Variants in GLIS3 observed in about 807,000 individuals in gnomAD.
The protein encoded by GLIS3 is GLIS family zinc finger 3.
A neutral mutation model predicts 78.6 loss-of-function variants in GLIS3; 53 were observed. That is an observed-to-expected ratio of 0.67 (90% confidence interval 0.54 to 0.85). The LOEUF (loss-of-function observed/expected upper bound fraction) is 0.85. Ranked by LOEUF, GLIS3 falls within the 40% of genes least tolerant of loss-of-function variation. The pLI is 0.00. For synonymous variants in GLIS3, 684 were observed against 509.9 expected, an observed-to-expected ratio of 1.34 and a Z score of -4.60; for missense variants, 1,703 against 1,231.1, an observed-to-expected ratio of 1.38 and a Z score of -5.74.
chr9:4,403,086 A>G, the GLIS3 span, among the ~76,000 whole-genome samples: 2 of 152,198 alleles, frequency 1.3e-5, no homozygotes, highest in Non-Finnish European at 2.9e-5. Context: ...AAAGACACAA[A>G]TAACATGCAA....
In GLIS3 at chr9:4,326,047, C is replaced by G. The variant is rs118085078; in HGVS notation, n.265-15519G>C. On this transcript the variant is annotated intron_variant and non_coding_transcript_variant, in intron 2 of 4. Transcript: ENST00000471664. ...CTGTGGGGAACAACACACACTGGGG[C>G]CTGTCGGGGGTGGCAGGGAGGTAGA... is the stretch of plus-strand genomic sequence containing the variant. 5.4e-3 allele frequency among the ~76,000 whole-genome samples: 819 copies of G among 152,164 alleles called. 1 individual carries two copies. Among genetic ancestry groups the G allele is most frequent in the Middle Eastern group, 0.014 (4 of 294 alleles).
chr9:4,159,705 T>C (rs1169608670), intron 2 of GLIS3, among the ~76,000 whole-genome samples: 1 of 146,672 alleles, frequency 6.8e-6, no homozygotes, highest in Admixed American at 7.0e-5. Flanking sequence ...GGTGAAGAAG[T>C]GAGACTCCAT....
At chr9:4,452,189 A>G in the GLIS3 span, among the ~76,000 whole-genome samples, 1 of 152,194 alleles carries the variant, frequency 6.6e-6, no homozygotes, top group Non-Finnish European at 1.5e-5. Context: ...AATAAGAGTT[A>G]TTTATGACAA....
chr9:4,376,922 G>A, the GLIS3 span, among the ~76,000 whole-genome samples: 2 of 134,544 alleles, frequency 1.5e-5, 1 homozygote, highest in Non-Finnish European at 3.3e-5. Context: ...TCCACTGCTG[G>A]AGGCTGATTA....
chr9:3,897,902 GA>G (rs1429443103), intron 7 of GLIS3, among the ~76,000 whole-genome samples: 1 of 152,170 alleles, frequency 6.6e-6, no homozygotes, highest in East Asian at 1.9e-4. Context: ...GCAACCCACA[GA>G]AAATAGAAAA....
upstream of GLIS3, among the ~76,000 whole-genome samples, chr9:4,303,731 C>T (rs1294092264): frequency 6.6e-6 from 1 of 152,168 alleles, no homozygotes; most frequent in African/African-American, 2.4e-5. Context: ...AATGTTTCTT[C>T]CTTTTTTATA....
chr9:4,109,424 G>T (rs1208227249), intron 4 of GLIS3, among the ~76,000 whole-genome samples: 1 of 152,166 alleles, frequency 6.6e-6, no homozygotes, highest in Non-Finnish European at 1.5e-5. Flanking sequence ...GTCTGCAACA[G>T]AAAATGCTTT....
At position 4,118,757 on chromosome 9, in the gene GLIS3, C is replaced by G. The variant is rs149916569; in HGVS notation, c.721G>C (p.Gly241Arg). 3 of 1,613,770 alleles carry G rather than the reference C, an allele frequency of 1.9e-6. No individual in the cohort carries two copies. Among genetic ancestry groups the G allele is most frequent in the Non-Finnish European group, 2.5e-6 (3 of 1,180,010 alleles). ...YRALPSLSNHGSQNGLDLGDL... is the reference protein window; with the variant it reads ...YRALPSLSNHRSQNGLDLGDL... ...CCTAGATCAAGGCCATTCTGAGAGCCGTGGTTGGAGAGCGAAGGGAGGGCC... is the reference window on the plus strand; with the variant it reads ...CCTAGATCAAGGCCATTCTGAGAGCGGTGGTTGGAGAGCGAAGGGAGGGCC... Residue 241 changes from glycine to arginine, a missense_variant, in exon 4 of 11, where the codon GGC becomes CGC. By Grantham distance (125) the Gly-to-Arg change is moderately radical (BLOSUM62 -2). Transcript: ENST00000381971. The surrounding 1 kb of genome is among the most constrained non-coding windows in gnomAD (Gnocchi z 4.7).
chr9:4,325,741 A>C (rs980699629), intron 2 of GLIS3, among the ~76,000 whole-genome samples: 1 of 152,210 alleles, frequency 6.6e-6, no homozygotes. Context: ...CTATCAAAGT[A>C]ATCTTGTTCA....
the GLIS3 span, among the ~76,000 whole-genome samples, chr9:4,467,312 T>G: frequency 1.0e-3 from 152 of 152,310 alleles, 1 homozygote; most frequent in Non-Finnish European, 1.7e-3. Context: ...GTTTGAGATC[T>G]GAGAACGGAC....
chr9:4,321,383 C>G (rs561660483), intron 2 of GLIS3, among the ~76,000 whole-genome samples: 1 of 113,956 alleles, frequency 8.8e-6, no homozygotes, highest in East Asian at 2.5e-4. Flanking sequence ...GATGGCGCCA[C>G]TGCACTCCAG....
chr9:4,120,816 T>C (rs1272656970), intron 3 of GLIS3, among the ~76,000 whole-genome samples: 4 of 152,238 alleles, frequency 2.6e-5, no homozygotes, highest in Admixed American at 2.6e-4. Flanking sequence ...TGTTAAGTCA[T>C]GACTAACAGA....
At chr9:4,010,202 G>C (rs1470787370) in intron 4 of GLIS3, among the ~76,000 whole-genome samples, 2 of 152,186 alleles carry the variant, frequency 1.3e-5, no homozygotes, top group African/African-American at 4.8e-5. Context: ...GAGGTCAAGA[G>C]CACAGGCTTG....
the GLIS3 span, among the ~76,000 whole-genome samples, chr9:4,456,916 A>C: frequency 4.4e-3 from 667 of 152,322 alleles, 10 homozygotes; most frequent in Non-Finnish European, 5.7e-3. Flanking sequence ...CTGATCACAG[A>C]TCACCATAAC....
the GLIS3 span, among the ~76,000 whole-genome samples, chr9:4,457,074 A>G: frequency 6.6e-6 from 1 of 152,198 alleles, no homozygotes; most frequent in Non-Finnish European, 1.5e-5. Flanking sequence ...AAGAAATGTA[A>G]TATTTGAACT....
At chr9:4,363,438 T>C in the GLIS3 span, among the ~76,000 whole-genome samples, 35 of 152,304 alleles carry the variant, frequency 2.3e-4, no homozygotes, top group East Asian at 5.6e-3. Flanking sequence ...TTCAATAACT[T>C]GGTTGTTTTA....
At chr9:4,024,600 T>C (rs747876573) in intron 4 of GLIS3, among the ~76,000 whole-genome samples, 5 of 152,176 alleles carry the variant, frequency 3.3e-5, no homozygotes, top group African/African-American at 4.8e-5. Flanking sequence ...GAGTGTATGA[T>C]AGATAGGTTG....
chr9:4,352,120 C>A (rs1817979257), upstream of GLIS3, among the ~76,000 whole-genome samples: 1 of 152,214 alleles, frequency 6.6e-6, no homozygotes, highest in African/African-American at 2.4e-5. Context: ...AAGTAGATTT[C>A]TGTTATTATA....
intron 4 of GLIS3, among the ~76,000 whole-genome samples, chr9:4,041,590 C>T (rs796230857): frequency 1.3e-4 from 20 of 152,188 alleles, no homozygotes; most frequent in African/African-American, 4.6e-4. Context: ...AACGGTGCTT[C>T]GTTTCCTAAT....
Sources: allele counts gnomAD v4.1 joint callset (sites outside exome capture counted in the v4.1 genomes callset), GRCh38; gene constraint gnomAD v4.1.1; non-coding constraint Gnocchi (gnomAD v3.1); transcripts MANE v1.5; gene names NCBI Gene and HGNC (gene_info 2026-07-23, HGNC 2026-07-21).